TFPI: variants seen among roughly 807,000 people sequenced by gnomAD.
TFPI encodes the protein tissue factor pathway inhibitor, also known as anti-convertin.
A neutral mutation model predicts 34.6 loss-of-function variants in TFPI; 15 were observed. The observed-to-expected ratio is 0.43, with a 90% CI of 0.29 to 0.67. TFPI has a LOEUF of 0.67. Among genes scored for constraint, TFPI ranks in the 30% least tolerant of loss-of-function variants. The pLI, the probability that TFPI is intolerant of heterozygous loss-of-function variation, is 0.15. For synonymous variants in TFPI, 105 were observed against 120.1 expected (o/e 0.87, Z 0.82); for missense variants, 301 against 364.0 (o/e 0.83, Z 1.41).
chr2:187,524,456 A>G (rs1288626258), intron 1 of TFPI, among the ~76,000 whole-genome samples: 1 of 152,026 alleles, frequency 6.6e-6, no homozygotes, highest in African/African-American at 2.4e-5. Flanking sequence ...TGTCTCCACC[A>G]CTAAAATGTT....
At chr2:187,512,351 GA>G (rs920684262) in intron 1 of TFPI, among the ~76,000 whole-genome samples, 4 of 148,532 alleles carry the variant, frequency 2.7e-5, no homozygotes, top group Non-Finnish European at 5.9e-5. Context: ...TATTCTGTTA[GA>G]AAAAAAAGAA....
chr2:187,471,318 T>A (rs1252381073), intron 6 of TFPI, among the ~76,000 whole-genome samples: 2 of 152,314 alleles, frequency 1.3e-5, no homozygotes, highest in East Asian at 3.9e-4. Context: ...ACATTTTAGT[T>A]CCATTTGAAT....
chr2:187,536,078 G>T (rs892723435), intron 1 of TFPI, among the ~76,000 whole-genome samples: 2 of 152,178 alleles, frequency 1.3e-5, no homozygotes, highest in African/African-American at 2.4e-5. Context: ...TCCTGAAATT[G>T]AGGCAGTAAT....
rs1408067247 is a variant in TFPI, at chr2:187,537,826, T to A, written c.-3+16374A>T. Among the ~76,000 whole-genome samples, 3 of 152,192 alleles carry A rather than the reference T, an allele frequency of 2.0e-5. No homozygotes were observed. In the East Asian group the frequency reaches 5.8e-4, roughly 29 times the overall value. On this transcript the variant is annotated intron_variant, in intron 1 of 7. Transcript: ENST00000233156. The stretch of plus-strand genomic sequence containing the variant: ...AACCTACAGAATGGGAGAAAATTTT[T>A]GCAATCTATCCATCTGACAAAGGGC...
intron 6 of TFPI, among the ~76,000 whole-genome samples, chr2:187,473,694 T>C (rs1368948348): frequency 6.6e-6 from 1 of 151,696 alleles, no homozygotes; most frequent in Non-Finnish European, 1.5e-5. Context: ...AGAAAGAGTA[T>C]GTATCTCTAT....
intron 1 of TFPI, among the ~76,000 whole-genome samples, chr2:187,522,741 A>C (rs1372670264): frequency 6.7e-6 from 1 of 149,174 alleles, no homozygotes; most frequent in Non-Finnish European, 1.5e-5. Flanking sequence ...AAAAAAAAAA[A>C]AAACCCAGGC....
chr2:187,498,952 T>G (rs1399029533), intron 2 of TFPI, among the ~76,000 whole-genome samples: 1 of 152,002 alleles, frequency 6.6e-6, no homozygotes, highest in Non-Finnish European at 1.5e-5. Context: ...TGGAGTTATA[T>G]TCAATTGACA....
At chr2:187,541,799 T>G (rs1688596524) in intron 1 of TFPI, among the ~76,000 whole-genome samples, 1 of 151,936 alleles carries the variant, frequency 6.6e-6, no homozygotes, top group South Asian at 2.1e-4. Flanking sequence ...AAAACAAGTA[T>G]GAGAAAACTG....
At chr2:187,497,728 A>G (rs1014964002) in intron 2 of TFPI, among the ~76,000 whole-genome samples, 2 of 151,910 alleles carry the variant, frequency 1.3e-5, no homozygotes, top group Non-Finnish European at 2.9e-5. Flanking sequence ...TAAATATTTA[A>G]CTCCTAATTT....
chr2:187,500,996 C>T (rs1175240344), intron 2 of TFPI, among the ~76,000 whole-genome samples: 1 of 152,156 alleles, frequency 6.6e-6, no homozygotes, highest in Non-Finnish European at 1.5e-5. Flanking sequence ...TAAGGACTTA[C>T]ATAAACATTC....
intron 1 of TFPI, chr2:187,526,780 T>A (rs1687701790): frequency 6.6e-6 from 1 of 152,166 alleles, no homozygotes; most frequent in Admixed American, 6.5e-5. Context: ...CTAAGCTCAA[T>A]GAGTACTTTG....
At chr2:187,511,918 A>G (rs1292690734) in intron 1 of TFPI, among the ~76,000 whole-genome samples, 1 of 150,842 alleles carries the variant, frequency 6.6e-6, no homozygotes, top group African/African-American at 2.4e-5. Flanking sequence ...AGTCAAGGAA[A>G]GAGAGAGAGA....
intron 1 of TFPI, among the ~76,000 whole-genome samples, chr2:187,535,844 A>G (rs951217882): frequency 2.6e-5 from 4 of 152,226 alleles, no homozygotes; most frequent in African/African-American, 7.2e-5. Flanking sequence ...AACCAGACTA[A>G]TGAAGAAGAA....
intron 1 of TFPI, among the ~76,000 whole-genome samples, chr2:187,530,941 T>G (rs895041874): frequency 3.3e-5 from 5 of 152,224 alleles, no homozygotes; most frequent in Non-Finnish European, 5.9e-5. Flanking sequence ...TAATGGGTAA[T>G]GGGCCTCGAG....
chr2:187,543,458 G>A (rs1294683277), intron 1 of TFPI, among the ~76,000 whole-genome samples: 1 of 152,162 alleles, frequency 6.6e-6, no homozygotes, highest in Non-Finnish European at 1.5e-5. Flanking sequence ...TGGTGTTCAT[G>A]GAGAAAAAGA....
intron 1 of TFPI, among the ~76,000 whole-genome samples, chr2:187,534,704 A>G (rs1688147408): frequency 1.3e-5 from 2 of 152,170 alleles, no homozygotes; most frequent in African/African-American, 4.8e-5. Flanking sequence ...GACAGGATCA[A>G]ATTCACACAT....
chr2:187,480,991 G>C (rs766274026), intron 6 of TFPI, among the ~76,000 whole-genome samples: 1 of 151,938 alleles, frequency 6.6e-6, no homozygotes, highest in Non-Finnish European at 1.5e-5. Context: ...TTTTTAAAAA[G>C]TCATATTATG....
intron 6 of TFPI, among the ~76,000 whole-genome samples, chr2:187,477,646 A>G (rs1025281283): frequency 6.6e-6 from 1 of 152,222 alleles, no homozygotes; most frequent in Admixed American, 6.5e-5. Flanking sequence ...ACAAGGAGAT[A>G]ATAACAATCT....
At chr2:187,551,571 C>CA (rs2106337749) in intron 1 of TFPI, among the ~76,000 whole-genome samples, 1 of 152,012 alleles carries the variant, frequency 6.6e-6, no homozygotes, top group South Asian at 2.1e-4. Context: ...AGACTGGGCC[C>CA]CCGGAATTGA....
Sources: allele counts gnomAD v4.1 joint callset (sites outside exome capture counted in the v4.1 genomes callset), GRCh38; gene constraint gnomAD v4.1.1; transcripts MANE v1.5; gene names NCBI Gene and HGNC (gene_info 2026-07-23, HGNC 2026-07-21).